VPS37A: variants seen among roughly 807,000 people sequenced by gnomAD.
VPS37A encodes the protein vacuolar protein sorting-associated protein 37A.
In VPS37A, 30 loss-of-function variants were observed where a neutral mutation model predicts 49.8. The observed-to-expected ratio is 0.60, with a 90% confidence interval of 0.45 to 0.82. VPS37A has a LOEUF of 0.82. VPS37A is among the 40% of genes least tolerant of loss of function. VPS37A has a pLI of 0.00. For missense variants in VPS37A, 593 were observed against 464.4 expected, an observed-to-expected ratio of 1.28 and a Z score of -2.55; for synonymous variants, 195 against 160.6, an observed-to-expected ratio of 1.21 and a Z score of -1.62.
At chr8:17,288,871 T>A (rs1815874866) in intron 11 of VPS37A, among the ~76,000 whole-genome samples, 1 of 152,202 alleles carries the variant, frequency 6.6e-6, no homozygotes, top group Non-Finnish European at 1.5e-5. Context: ...CCACATCCTC[T>A]CCAGCATCTG....
chr8:17,289,445 A>T (rs1404056429), intron 11 of VPS37A, among the ~76,000 whole-genome samples: 1 of 152,144 alleles, frequency 6.6e-6, no homozygotes, highest in East Asian at 1.9e-4. Context: ...TCCCAACACC[A>T]TTTATTAAAT....
chr8:17,252,499 A>G (rs1812069110), intron 1 of VPS37A, among the ~76,000 whole-genome samples: 2 of 152,190 alleles, frequency 1.3e-5, no homozygotes, highest in Non-Finnish European at 2.9e-5. Flanking sequence ...TATTTAATAG[A>G]CTTTATTTTT....
intron 1 of VPS37A, among the ~76,000 whole-genome samples, chr8:17,252,929 T>C (rs1436637890): frequency 6.6e-6 from 1 of 152,236 alleles, no homozygotes; most frequent in East Asian, 1.9e-4. Context: ...ACTTTAAAAT[T>C]ATGCGTATCA....
chr8:17,268,847 T>TA lies in VPS37A; in HGVS notation c.316-8dup, dbSNP rs760085013. 6.4e-7 allele frequency: 1 copy of TA among 1,571,814 alleles called. No individual in the cohort carries two copies. ...AGTGATTTTAAGCGTCATGTATTGT[T>TA]ACTTTCAGTTTACAATGCACTCAGA... On this transcript the variant is annotated splice_polypyrimidine_tract_variant and intron_variant, in intron 3 of 11. Coordinates refer to ENST00000324849, the MANE Select transcript of VPS37A (RefSeq NM_152415.3).
intron 1 of VPS37A, among the ~76,000 whole-genome samples, chr8:17,250,101 T>C (rs955410036): frequency 6.6e-6 from 1 of 152,132 alleles, no homozygotes; most frequent in African/African-American, 2.4e-5. Flanking sequence ...TCTAGATTTT[T>C]TGTAGGGAAG....
At chr8:17,247,458 C>G (rs1483160488) in intron 1 of VPS37A, 89 bp downstream of exon 1, 1 of 1,480,882 alleles carries the variant, frequency 6.8e-7, no homozygotes, top group African/African-American at 1.4e-5. Flanking sequence ...TCAGTCTGCT[C>G]CCCACCAGCT....
the VPS37A span, among the ~76,000 whole-genome samples, chr8:17,319,690 A>G: frequency 6.6e-6 from 1 of 152,220 alleles, no homozygotes; most frequent in Admixed American, 6.5e-5. Context: ...TTGATTGTGG[A>G]AACCAATGCA....
downstream of VPS37A, chr8:17,305,770 T>G (rs770217035): frequency 2.2e-5 from 36 of 1,611,096 alleles, no homozygotes; most frequent in South Asian, 5.5e-5. Context: ...AGTTCTCGTC[T>G]CTCCTTTTGG....
At chr8:17,291,213 A>G (rs1816117794) in intron 11 of VPS37A, among the ~76,000 whole-genome samples, 2 of 152,144 alleles carry the variant, frequency 1.3e-5, no homozygotes, top group South Asian at 2.1e-4. Context: ...GGGTTTCACC[A>G]TGTTGGCCAG....
the VPS37A span, among the ~76,000 whole-genome samples, chr8:17,315,596 G>C: frequency 9.9e-5 from 15 of 152,106 alleles, no homozygotes; most frequent in Non-Finnish European, 2.9e-5. Context: ...CGTACCTTCT[G>C]CTCAATTTTG....
chr8:17,306,666 A>C (rs1472646491), downstream of VPS37A, among the ~76,000 whole-genome samples: 1 of 152,208 alleles, frequency 6.6e-6, no homozygotes, highest in South Asian at 2.1e-4. Flanking sequence ...AAATAACAAT[A>C]TAGAACCCCG....
At chr8:17,270,455 G>A (rs1042429255) in intron 4 of VPS37A, among the ~76,000 whole-genome samples, 1 of 152,108 alleles carries the variant, frequency 6.6e-6, no homozygotes, top group Non-Finnish European at 1.5e-5. Flanking sequence ...TGTGACCTGC[G>A]CTTCCTCACT....
chr8:17,286,731 G>A (rs576660176), intron 11 of VPS37A: 2 of 206,576 alleles, frequency 9.7e-6, no homozygotes. Flanking sequence ...AGTATACCTT[G>A]TCATGTGGCT....
chr8:17,278,417 C>A (rs1389760501), intron 6 of VPS37A, among the ~76,000 whole-genome samples: 1 of 152,044 alleles, frequency 6.6e-6, no homozygotes, highest in Non-Finnish European at 1.5e-5. Flanking sequence ...AAGTATACTT[C>A]ATACAGGACC....
chr8:17,262,353 C>A (rs959255514), intron 1 of VPS37A, among the ~76,000 whole-genome samples: 5 of 152,074 alleles, frequency 3.3e-5, no homozygotes, highest in African/African-American at 1.2e-4. Context: ...TATTTGTTTC[C>A]ATTTGGGGGA....
chr8:17,263,504 A>C lies in VPS37A; in HGVS notation c.126-2403A>C, dbSNP rs184400993. Among the ~76,000 whole-genome samples the C allele has an allele frequency of 3.8e-3, 536 of 140,452 alleles. 2 individuals carry two copies. The highest frequency in any genetic ancestry group is 0.015 in the African/African-American group (519 of 33,918). 92.1% of individuals were successfully genotyped at this position (140,452 alleles called of 152,430 possible). A position where few individuals can be genotyped will look rare whatever the true frequency, so the allele number is the denominator to read the frequency against. On this transcript the variant is annotated intron_variant, in intron 1 of 11. Transcript: ENST00000324849. Reference sequence around the variant, plus strand: ...AGTATCACCTTCTGTTATTTGTGATACTTAGTTTGTGAAGAAAACTCATAA... The same window carrying C: ...AGTATCACCTTCTGTTATTTGTGATCCTTAGTTTGTGAAGAAAACTCATAA...
chr8:17,250,037 C>T (rs1338917737), intron 1 of VPS37A, among the ~76,000 whole-genome samples: 1 of 152,148 alleles, frequency 6.6e-6, no homozygotes, highest in South Asian at 2.1e-4. Flanking sequence ...TCTAGTGGAC[C>T]GGCCCGGGCT....
At chr8:17,270,978 G>A (rs995679613) in intron 4 of VPS37A, among the ~76,000 whole-genome samples, 1 of 152,148 alleles carries the variant, frequency 6.6e-6, no homozygotes, top group East Asian at 1.9e-4. Flanking sequence ...TACAATGGTA[G>A]AACAAGCCTC....
At chr8:17,313,358 A>C in the VPS37A span, 1 of 1,612,868 alleles carries the variant, frequency 6.2e-7, no homozygotes, top group Non-Finnish European at 8.5e-7. Context: ...AGTTCTCCAG[A>C]CCCCACAGGA....
Sources: gnomAD v4.1 joint callset for allele counts (sites outside exome capture counted in the v4.1 genomes callset) on GRCh38, gnomAD v4.1.1 for gene constraint, MANE v1.5 for transcripts, NCBI Gene and HGNC (gene_info 2026-07-23, HGNC 2026-07-21) for gene names.